Variants in CDH20 observed in about 807,000 individuals in gnomAD.
The protein encoded by CDH20 is cadherin-20.
Under a neutral mutation model 74.2 loss-of-function variants are expected in CDH20, and 29 were observed. That is an observed-to-expected ratio of 0.39 (90% CI 0.29 to 0.53). The LOEUF (loss-of-function observed/expected upper bound fraction) is 0.53. CDH20 is among the 20% of genes least tolerant of loss of function. The pLI is 0.69. For synonymous variants in CDH20, 469 were observed against 405.4 expected, an observed-to-expected ratio of 1.16 and a Z score of -1.88; for missense variants, 988 against 1,048.3, an observed-to-expected ratio of 0.94 and a Z score of 0.79.
rs1403936314 is a variant in CDH20 at position 61,394,770 on chromosome 18, T to C, written c.-153+60943T>C. 3.3e-5 allele frequency among the ~76,000 whole-genome samples: 5 copies of C among 152,178 alleles called. No individual in the cohort carries two copies. The East Asian group carries it at 9.8e-4, about 30-fold the overall frequency. On this transcript the variant is annotated intron_variant, in intron 1 of 11. Coordinates refer to ENST00000262717, the MANE Select transcript of CDH20 (RefSeq NM_031891.4). ...ATGGCCTCCATGGTGTTTACCAATG[T>C]CGCTGCCAGAGGGCCGAGCCCACCT...
intron 1 of CDH20, among the ~76,000 whole-genome samples, chr18:61,425,597 C>G (rs1240681155): frequency 6.6e-6 from 1 of 152,118 alleles, no homozygotes; most frequent in Non-Finnish European, 1.5e-5. Context: ...AGTGAAGTAA[C>G]TCAGGAATGG....
At chr18:61,440,726 C>A (rs1327493104) in intron 1 of CDH20, among the ~76,000 whole-genome samples, 2 of 152,168 alleles carry the variant, frequency 1.3e-5, no homozygotes, top group African/African-American at 4.8e-5. Context: ...CTCTGCCCCA[C>A]ATGGTCTCTC....
intron 1 of CDH20, among the ~76,000 whole-genome samples, chr18:61,391,986 A>C (rs906927135): frequency 6.6e-6 from 1 of 151,726 alleles, no homozygotes; most frequent in East Asian, 1.9e-4. Flanking sequence ...CCTCCTGTTG[A>C]TCTTCCACAC....
rs1480674659 is a variant in CDH20, at chr18:61,458,759, C to A, written c.-152-31643C>A. Reference sequence around the variant, plus strand: ...ATGTGAATTAATGAAGGCAAATTAGCCCAGGATTTGTGTTTGTTGTGTGGG... The same window carrying A: ...ATGTGAATTAATGAAGGCAAATTAGACCAGGATTTGTGTTTGTTGTGTGGG... On this transcript the variant is annotated intron_variant, in intron 1 of 11. Coordinates refer to ENST00000262717, the MANE Select transcript of CDH20 (RefSeq NM_031891.4). Among the ~76,000 whole-genome samples the A allele has an allele frequency of 3.3e-5, 5 of 152,292 alleles. No homozygotes were observed. In the East Asian group the frequency reaches 7.7e-4, roughly 23 times the overall value.
intron 1 of CDH20, among the ~76,000 whole-genome samples, chr18:61,369,908 A>T (rs1910973734): frequency 6.6e-6 from 1 of 152,012 alleles, no homozygotes; most frequent in South Asian, 2.1e-4. Flanking sequence ...ACTGGGGTCT[A>T]ACGGAGGGTG....
chr18:61,350,914 C>A (rs996794763), intron 1 of CDH20, among the ~76,000 whole-genome samples: 1 of 152,128 alleles, frequency 6.6e-6, no homozygotes, highest in Non-Finnish European at 1.5e-5. Context: ...CTGCCTCAAC[C>A]TAACAGCAAG....
chr18:61,398,736 C>T (rs1235984958), intron 1 of CDH20, among the ~76,000 whole-genome samples: 1 of 152,170 alleles, frequency 6.6e-6, no homozygotes, highest in East Asian at 1.9e-4. Context: ...CCTCTGTCCA[C>T]TCCAGGTCAC....
chr18:61,418,785 A>G (rs765544416), intron 1 of CDH20, among the ~76,000 whole-genome samples: 8 of 152,282 alleles, frequency 5.3e-5, no homozygotes, highest in Admixed American at 1.3e-4. Context: ...TATACAAATA[A>G]GGAGCCCTTT....
At chr18:61,530,158 G>A (rs886565402) in intron 7 of CDH20, among the ~76,000 whole-genome samples, 2 of 152,228 alleles carry the variant, frequency 1.3e-5, no homozygotes, top group Non-Finnish European at 2.9e-5. Flanking sequence ...CAAAGAAAGA[G>A]AGGAATTCTT....
In CDH20 at chr18:61,403,647, C is replaced by T. The variant is rs187036713; in HGVS notation, c.-153+69820C>T. On this transcript the variant is annotated intron_variant, in intron 1 of 11. Transcript: ENST00000262717. ...GGAGTCAGAGAGCCCTGTGGAAGCA[C>T]CAGCTATATCACTGGTTAGAAGTGA... Among the ~76,000 whole-genome samples the T allele has an allele frequency of 6.6e-5, 10 of 152,290 alleles. No individual in the cohort carries two copies. In the East Asian group the frequency reaches 1.5e-3, roughly 24 times the overall value.
At chr18:61,500,313 G>T in intron 3 of CDH20, 70 bp from the exon 4 acceptor site, 1 of 1,511,894 alleles carries the variant, frequency 6.6e-7, no homozygotes, top group Non-Finnish European at 8.9e-7. Flanking sequence ...CTTTAAGATG[G>T]ACCGCTCAGG....
intron 1 of CDH20, among the ~76,000 whole-genome samples, chr18:61,349,169 T>C (rs1255532244): frequency 6.6e-6 from 1 of 152,148 alleles, no homozygotes; most frequent in African/African-American, 2.4e-5. Flanking sequence ...AAATGGCATT[T>C]TGGCAAAACT....
chr18:61,554,896 C>A lies in CDH20; in HGVS notation c.*201C>A. On this transcript the variant is annotated 3_prime_UTR_variant, in exon 12 of 12. Transcript: ENST00000262717. Reference sequence around the variant, plus strand: ...AAAAGGAAACCCAGAAGGAAGAGGGCAGAATCTTTAATTACCTTTTTTTCT... The same window carrying A: ...AAAAGGAAACCCAGAAGGAAGAGGGAAGAATCTTTAATTACCTTTTTTTCT... 1 of 1,385,136 alleles carries A rather than the reference C, an allele frequency of 7.2e-7. No homozygotes were observed. Among genetic ancestry groups the A allele is most frequent in the Non-Finnish European group, 9.3e-7 (1 of 1,071,510 alleles). 85.8% of individuals were successfully genotyped at this position (1,385,136 alleles called of 1,614,324 possible).
chr18:61,496,328 T>C (rs1220315564), intron 2 of CDH20, among the ~76,000 whole-genome samples: 2 of 134,800 alleles, frequency 1.5e-5, no homozygotes, highest in African/African-American at 5.9e-5. Context: ...CTTCCCCTGC[T>C]CATGTGCACA....
chr18:61,374,998 T>G (rs999095755), intron 1 of CDH20, among the ~76,000 whole-genome samples: 6 of 152,148 alleles, frequency 3.9e-5, no homozygotes, highest in African/African-American at 1.4e-4. Flanking sequence ...GAACTCATAG[T>G]GCAGGGTAAA....
intron 2 of CDH20, among the ~76,000 whole-genome samples, chr18:61,497,464 T>C (rs1423358200): frequency 6.6e-6 from 1 of 152,214 alleles, no homozygotes; most frequent in African/African-American, 2.4e-5. Flanking sequence ...TTCTGCAGCT[T>C]TTACCATGAG....
intron 4 of CDH20, among the ~76,000 whole-genome samples, chr18:61,501,447 T>G (rs1025780499): frequency 6.6e-6 from 1 of 152,118 alleles, no homozygotes; most frequent in Admixed American, 6.5e-5. Flanking sequence ...GCAAAAGATA[T>G]AGGAAGTATT....
intron 1 of CDH20, among the ~76,000 whole-genome samples, chr18:61,457,909 T>G (rs1243891512): frequency 6.6e-6 from 1 of 152,166 alleles, no homozygotes; most frequent in East Asian, 1.9e-4. Context: ...GTCCTAATTT[T>G]AAAATGTAGA....
At chr18:61,373,607 T>G (rs536028902) in intron 1 of CDH20, among the ~76,000 whole-genome samples, 67 of 152,248 alleles carry the variant, frequency 4.4e-4, no homozygotes, top group African/African-American at 1.5e-3. Context: ...TGGGACCAAG[T>G]CTTTAATGAA....
Sources: allele counts gnomAD v4.1 joint callset (sites outside exome capture counted in the v4.1 genomes callset), GRCh38; gene constraint gnomAD v4.1.1; transcripts MANE v1.5; gene names NCBI Gene and HGNC (gene_info 2026-07-23, HGNC 2026-07-21).